GPC5: variants seen among roughly 807,000 people sequenced by gnomAD.
GPC5 encodes glypican-5.
GPC5 carries 47 observed loss-of-function variants against 53.9 expected under a neutral mutation model. The ratio of observed to expected loss-of-function variants is 0.87; its 90% confidence interval spans 0.69 to 1.11. The LOEUF (loss-of-function observed/expected upper bound fraction) is 1.11, where lower values mean the gene tolerates loss of function less well. Among genes scored for constraint, GPC5 ranks in the 50% most tolerant of loss-of-function variants. The pLI is 0.00. For synonymous variants in GPC5, 286 were observed against 263.3 expected (o/e 1.09, Z -0.84); for missense variants, 748 against 713.1 (o/e 1.05, Z -0.56).
intron 6 of GPC5, among the ~76,000 whole-genome samples, chr13:91,986,598 C>T (rs113712974): frequency 5.9e-4 from 90 of 152,288 alleles, no homozygotes; most frequent in African/African-American, 2.1e-3. Context: ...GTGAGCACCT[C>T]ACTTATTTCA....
chr13:92,752,598 G>C (rs1874616641), intron 7 of GPC5, among the ~76,000 whole-genome samples: 2 of 152,116 alleles, frequency 1.3e-5, no homozygotes, highest in Admixed American at 1.3e-4. Flanking sequence ...TCACTAGGGA[G>C]TGCCAGACAG....
chr13:91,880,940 G>A (rs1270666521), intron 5 of GPC5, among the ~76,000 whole-genome samples: 4 of 151,970 alleles, frequency 2.6e-5, no homozygotes, highest in Non-Finnish European at 2.9e-5. Context: ...ACAGGCGTCC[G>A]CCACCACACA....
intron 5 of GPC5, among the ~76,000 whole-genome samples, chr13:91,879,842 G>A (rs762668538): frequency 6.6e-6 from 1 of 151,998 alleles, no homozygotes; most frequent in Non-Finnish European, 1.5e-5. Flanking sequence ...CCAAATCATT[G>A]GGGTGGCTGA....
intron 2 of GPC5, among the ~76,000 whole-genome samples, chr13:91,607,164 G>A (rs2033396030): frequency 6.9e-6 from 1 of 145,514 alleles, no homozygotes; most frequent in Non-Finnish European, 1.5e-5. Context: ...TAGTAAATAT[G>A]GAGTTCTATT....
chr13:92,348,287 C>A (rs1244567515), intron 7 of GPC5, among the ~76,000 whole-genome samples: 1 of 151,266 alleles, frequency 6.6e-6, no homozygotes, highest in East Asian at 2.0e-4. Flanking sequence ...ATATTCCATG[C>A]AAATGAAAAC....
chr13:92,319,774 GC>G (rs1349382072), intron 7 of GPC5, among the ~76,000 whole-genome samples: 1 of 152,096 alleles, frequency 6.6e-6, no homozygotes, highest in East Asian at 1.9e-4. Flanking sequence ...TACGTACAGT[GC>G]ATCCACATTG....
intron 7 of GPC5, among the ~76,000 whole-genome samples, chr13:92,283,751 A>C (rs2042933335): frequency 6.6e-6 from 1 of 152,224 alleles, no homozygotes; most frequent in Non-Finnish European, 1.5e-5. Flanking sequence ...CAGTGTGTAG[A>C]GGGAAATTTT....
At chr13:92,039,043 A>T (rs2040921044) in intron 6 of GPC5, among the ~76,000 whole-genome samples, 2 of 152,196 alleles carry the variant, frequency 1.3e-5, no homozygotes, top group Admixed American at 1.3e-4. Context: ...ATTTTCTATT[A>T]AGCAAGAAAG....
chr13:92,783,546 G>T (rs1372814367), intron 7 of GPC5, among the ~76,000 whole-genome samples: 2 of 152,162 alleles, frequency 1.3e-5, no homozygotes, highest in East Asian at 3.9e-4. Context: ...CTAAACCGTA[G>T]TGTTGAAGAG....
rs765816125 is a variant in GPC5 at position 92,130,743 on chromosome 13, G to A, written c.1402-14087G>A. Among the ~76,000 whole-genome samples the A allele has an allele frequency of 3.8e-4, 58 of 152,002 alleles. 2 individuals carry two copies. Among genetic ancestry groups the A allele is most frequent in the Admixed American group, 2.1e-3 (32 of 15,262 alleles). On this transcript the variant is annotated intron_variant, in intron 6 of 7. Coordinates refer to ENST00000377067, the MANE Select transcript of GPC5 (RefSeq NM_004466.6). ...AAATATATGACAACAAAGAGTGGGA[G>A]TAGCCAAATAGTGTTTAACTGTCCT...
chr13:92,673,940 A>T (rs1886842233), intron 7 of GPC5, among the ~76,000 whole-genome samples: 1 of 152,200 alleles, frequency 6.6e-6, no homozygotes. Context: ...ATTGTAAAAA[A>T]ATGTTGATAT....
intron 6 of GPC5, among the ~76,000 whole-genome samples, chr13:92,014,750 G>T (rs1419619371): frequency 6.6e-6 from 1 of 151,968 alleles, no homozygotes; most frequent in Non-Finnish European, 1.5e-5. Context: ...CAATTTGTTG[G>T]TGATATCTTG....
In GPC5 at chr13:92,064,764, A is replaced by AAACAAAACAAAACAAAACAAAAC. The variant is rs371962452; in HGVS notation, c.1402-80064_1402-80063insCAAAACAAAACAAAACAAAACAA. Among the ~76,000 whole-genome samples the AAACAAAACAAAACAAAACAAAAC allele has an allele frequency of 4.1e-3, 561 of 138,466 alleles. 20 individuals carry two copies. Among genetic ancestry groups the AAACAAAACAAAACAAAACAAAAC allele is most frequent in the Middle Eastern group, 0.03 (8 of 268 alleles). The allele number at this position is 138,466 out of a possible 152,430, so 90.8% of individuals were successfully genotyped here. On this transcript the variant is annotated intron_variant, in intron 6 of 7. Coordinates refer to ENST00000377067, the MANE Select transcript of GPC5 (RefSeq NM_004466.6). ...AGAGCGAGACTCCGTCTCAAAAAAA[A>AAACAAAACAAAACAAAACAAAAC]AAAACAAAACAAAACTCAGAGGCAA...
At chr13:91,585,032 G>C (rs2032510702) in intron 2 of GPC5, among the ~76,000 whole-genome samples, 1 of 152,100 alleles carries the variant, frequency 6.6e-6, no homozygotes, top group African/African-American at 2.4e-5. Context: ...TTTTGAAATG[G>C]CAAGTTCTTG....
chr13:92,492,029 G>A (rs1328733336), intron 7 of GPC5, among the ~76,000 whole-genome samples: 4 of 151,886 alleles, frequency 2.6e-5, no homozygotes, highest in African/African-American at 7.3e-5. Flanking sequence ...TCCCCAAAAG[G>A]CAGACTCTGT....
At chr13:92,306,046 A>G (rs1417204270) in intron 7 of GPC5, among the ~76,000 whole-genome samples, 2 of 152,216 alleles carry the variant, frequency 1.3e-5, no homozygotes. Context: ...AGCTGGACTT[A>G]TCCATTAAGT....
chr13:92,785,128 T>C (rs1017639803), intron 7 of GPC5, among the ~76,000 whole-genome samples: 1 of 151,822 alleles, frequency 6.6e-6, no homozygotes, highest in African/African-American at 2.4e-5. Flanking sequence ...ATACAAAAAT[T>C]AGTTGCGCAT....
intron 1 of GPC5, among the ~76,000 whole-genome samples, chr13:91,420,318 T>C (rs991439440): frequency 6.6e-6 from 1 of 152,192 alleles, no homozygotes; most frequent in Non-Finnish European, 1.5e-5. Flanking sequence ...TAGTGAATGA[T>C]GGATGTCTGT....
chr13:92,023,676 A>ACC (rs1348249194), intron 6 of GPC5, among the ~76,000 whole-genome samples: 3 of 103,896 alleles, frequency 2.9e-5, no homozygotes, highest in Non-Finnish European at 6.4e-5. Context: ...ACACACACAC[A>ACC]CACACACACA....
Sources: gnomAD v4.1 joint callset for allele counts (sites outside exome capture counted in the v4.1 genomes callset) on GRCh38, gnomAD v4.1.1 for gene constraint, MANE v1.5 for transcripts, NCBI Gene and HGNC (gene_info 2026-07-23, HGNC 2026-07-21) for gene names.